The following DPYD variants were observed in gnomAD, a reference collection of about 807,000 sequenced individuals.
DPYD encodes dihydropyrimidine dehydrogenase.
A neutral mutation model predicts 116.2 loss-of-function variants in DPYD; 109 were observed. The ratio of observed to expected loss-of-function variants is 0.94; its 90% CI spans 0.80 to 1.10. DPYD has a LOEUF of 1.10. Ranked by LOEUF, DPYD falls within the 50% of genes least tolerant of loss-of-function variation. DPYD has a pLI of 0.00. For missense variants in DPYD, 1,302 were observed against 1,254.5 expected (o/e 1.04, Z -0.57); for synonymous variants, 440 against 432.0 (o/e 1.02, Z -0.23).
At chr1:97,336,530 C>T (rs977963227) in intron 16 of DPYD, among the ~76,000 whole-genome samples, 5 of 152,156 alleles carry the variant, frequency 3.3e-5, no homozygotes, top group African/African-American at 9.7e-5. Context: ...GGGCAGATCA[C>T]CTGAGGTCAG....
At chr1:97,616,142 A>ATTTC (rs778317814) in intron 8 of DPYD, among the ~76,000 whole-genome samples, 6 of 135,742 alleles carry the variant, frequency 4.4e-5, no homozygotes, top group Admixed American at 1.4e-4. Flanking sequence ...CTAATAAATG[A>ATTTC]TTTTTTTTTT....
intron 5 of DPYD, among the ~76,000 whole-genome samples, chr1:97,708,332 G>T (rs749085687): frequency 1.3e-4 from 20 of 152,026 alleles, no homozygotes; most frequent in Non-Finnish European, 2.6e-4. Context: ...TTTAATGGGT[G>T]TAAGGTTTGT....
chr1:97,356,142 T>A (rs190249955), intron 16 of DPYD, among the ~76,000 whole-genome samples: 76 of 152,320 alleles, frequency 5.0e-4, no homozygotes, highest in African/African-American at 1.7e-3. Context: ...GTGAGTGATA[T>A]CTCACTGTGG....
chr1:97,160,103 A>G (rs1009755399), intron 20 of DPYD, among the ~76,000 whole-genome samples: 21 of 152,124 alleles, frequency 1.4e-4, no homozygotes, highest in Admixed American at 5.9e-4. Flanking sequence ...CAATAGTTTT[A>G]TATTTACAGT....
At chr1:97,641,082 G>A (rs1185727719) in intron 8 of DPYD, among the ~76,000 whole-genome samples, 5 of 152,172 alleles carry the variant, frequency 3.3e-5, no homozygotes, top group African/African-American at 9.7e-5. Flanking sequence ...CATGGATGGA[G>A]TGTAAAAGCT....
At chr1:97,511,613 A>T (rs1570870653) in intron 13 of DPYD, among the ~76,000 whole-genome samples, 3 of 152,102 alleles carry the variant, frequency 2.0e-5, no homozygotes, top group Admixed American at 2.0e-4. Context: ...ACATGGATGA[A>T]ATTTATGAGA....
intron 2 of DPYD, among the ~76,000 whole-genome samples, chr1:97,847,984 A>T (rs979287523): frequency 9.2e-5 from 14 of 152,222 alleles, no homozygotes; most frequent in Admixed American, 4.6e-4. Flanking sequence ...TAAATGGTGA[A>T]ACCCACAAAG....
intron 12 of DPYD, among the ~76,000 whole-genome samples, chr1:97,533,249 C>T (rs1036728477): frequency 6.6e-6 from 1 of 151,942 alleles, no homozygotes; most frequent in African/African-American, 2.4e-5. Flanking sequence ...ATGTTGGTTT[C>T]TTTCACATTC....
intron 14 of DPYD, among the ~76,000 whole-genome samples, chr1:97,387,483 T>TA (rs1197369568): frequency 3.3e-5 from 5 of 152,028 alleles, no homozygotes; most frequent in Non-Finnish European, 1.5e-5. Context: ...CATAATGAGT[T>TA]AAAAAAAGAT....
intron 13 of DPYD, among the ~76,000 whole-genome samples, chr1:97,466,283 C>A (rs189483480): frequency 1.3e-5 from 2 of 152,186 alleles, no homozygotes; most frequent in South Asian, 4.1e-4. Context: ...ATCTTCCTAT[C>A]ACTTTGGTTA....
At chr1:97,267,360 C>T (rs915947580) in intron 18 of DPYD, among the ~76,000 whole-genome samples, 2 of 152,106 alleles carry the variant, frequency 1.3e-5, no homozygotes. Context: ...TATCCTTTGC[C>T]CACTTTTTGA....
chr1:97,731,302 CA>C (rs1368068115), intron 4 of DPYD, among the ~76,000 whole-genome samples: 1 of 151,724 alleles, frequency 6.6e-6, no homozygotes, highest in African/African-American at 2.4e-5. Context: ...AAGGGTTTTT[CA>C]AAAAAGCCTC....
At chr1:97,413,340 C>T (rs1416981725) in intron 14 of DPYD, among the ~76,000 whole-genome samples, 1 of 152,208 alleles carries the variant, frequency 6.6e-6, no homozygotes, top group Admixed American at 6.5e-5. Flanking sequence ...AAGAACTATT[C>T]ACTACATTAT....
At chr1:97,481,189 C>T (rs1190989762) in intron 13 of DPYD, among the ~76,000 whole-genome samples, 1 of 152,090 alleles carries the variant, frequency 6.6e-6, no homozygotes, top group East Asian at 1.9e-4. Flanking sequence ...GGACGCTCAA[C>T]CTTACTAATA....
intron 18 of DPYD, among the ~76,000 whole-genome samples, chr1:97,292,333 A>G (rs551173650): frequency 8.5e-5 from 13 of 152,308 alleles, no homozygotes; most frequent in Middle Eastern, 3.4e-3. Flanking sequence ...GGGAGACCTC[A>G]GGAAACTTAC....
chr1:97,263,313 G>T (rs532980839), intron 18 of DPYD, among the ~76,000 whole-genome samples: 9 of 152,144 alleles, frequency 5.9e-5, no homozygotes, highest in African/African-American at 1.9e-4. Context: ...ATAAAATTCT[G>T]TCACATGAAA....
chr1:97,515,598 T>A (rs1004643207), intron 13 of DPYD, 128 bp downstream of exon 13: 1 of 817,922 alleles, frequency 1.2e-6, no homozygotes, highest in African/African-American at 1.7e-5. Flanking sequence ...GATTAATGTG[T>A]AATGATAGGT....
At chr1:97,389,375 A>G (rs1672545974) in intron 14 of DPYD, among the ~76,000 whole-genome samples, 1 of 151,932 alleles carries the variant, frequency 6.6e-6, no homozygotes, top group Non-Finnish European at 1.5e-5. Flanking sequence ...TGGTATGATT[A>G]TGAGGTCAAA....
chr1:97,896,010 C>A (rs543957790), intron 1 of DPYD, among the ~76,000 whole-genome samples: 2 of 151,696 alleles, frequency 1.3e-5, no homozygotes, highest in African/African-American at 4.8e-5. Context: ...AACACCCAAT[C>A]TTACACTGTA....
Sources: allele counts gnomAD v4.1 joint callset (sites outside exome capture counted in the v4.1 genomes callset), GRCh38; gene constraint gnomAD v4.1.1; transcripts MANE v1.5; gene names NCBI Gene and HGNC (gene_info 2026-07-23, HGNC 2026-07-21).